Variants in DNAH5 observed in about 807,000 individuals in gnomAD.
DNAH5 encodes axonemal beta dynein heavy chain 5.
DNAH5 carries 372 observed loss-of-function variants against 518.2 expected under a neutral mutation model. The ratio of observed to expected loss-of-function variants is 0.72; its 90% CI spans 0.66 to 0.78. DNAH5 has a LOEUF of 0.78. Ranked by LOEUF, DNAH5 falls within the 30% of genes least tolerant of loss-of-function variation. The pLI, the probability that DNAH5 is intolerant of heterozygous loss-of-function variation, is 0.00. For synonymous variants in DNAH5, 2,039 were observed against 2,025.9 expected (o/e 1.01, Z -0.17); for missense variants, 5,523 against 5,687.0 (o/e 0.97, Z 0.93).
At chr5:13,857,863 A>G (rs1438593548) in intron 30 of DNAH5, among the ~76,000 whole-genome samples, 1 of 152,254 alleles carries the variant, frequency 6.6e-6, no homozygotes, top group Non-Finnish European at 1.5e-5. Context: ...AAATTAACTC[A>G]TGGTGGATTA....
At chr5:13,700,448 T>C (rs1477639810) in intron 78 of DNAH5, among the ~76,000 whole-genome samples, 192 bp downstream of exon 78, 1 of 152,194 alleles carries the variant, frequency 6.6e-6, no homozygotes, top group African/African-American at 2.4e-5. Context: ...TCTAGAACTA[T>C]TGCCTCCTCA....
chr5:13,989,471 G>A (rs1377445714), intron 1 of DNAH5, among the ~76,000 whole-genome samples: 3 of 148,018 alleles, frequency 2.0e-5, no homozygotes, highest in East Asian at 2.0e-4. Flanking sequence ...GTGCATACAT[G>A]TAGAGGGAGA....
chr5:13,718,832 C>T (rs774504109), intron 72 of DNAH5, 50 bp downstream of exon 72: 2 of 1,477,596 alleles, frequency 1.4e-6, no homozygotes, highest in Non-Finnish European at 1.9e-6. Flanking sequence ...TTTAGGAAAA[C>T]AATTTAAGTA....
chr5:13,869,163 A>C (rs1769716416), intron 24 of DNAH5, among the ~76,000 whole-genome samples: 1 of 152,086 alleles, frequency 6.6e-6, no homozygotes, highest in African/African-American at 2.4e-5. Context: ...AGAAGTGAAA[A>C]TGTGTAGTAG....
intron 17 of DNAH5, among the ~76,000 whole-genome samples, chr5:13,888,618 C>G (rs1772747583): frequency 6.6e-6 from 1 of 152,148 alleles, no homozygotes; most frequent in Non-Finnish European, 1.5e-5. Flanking sequence ...AAATTGGGTT[C>G]CACGATTTTG....
At chr5:13,796,100 A>G (rs1245967293) in intron 47 of DNAH5, among the ~76,000 whole-genome samples, 2 of 152,216 alleles carry the variant, frequency 1.3e-5, no homozygotes, top group East Asian at 3.8e-4. Flanking sequence ...ATCATACTGA[A>G]TGGGCAAAAA....
intron 5 of DNAH5, among the ~76,000 whole-genome samples, chr5:13,921,477 A>ACT (rs70964520): frequency 0.4 from 29,442 of 74,060 alleles, 4,282 homozygotes; most frequent in East Asian, 0.66. Flanking sequence ...TCTCTCTCTC[A>ACT]CACACACACA....
intron 1 of DNAH5, among the ~76,000 whole-genome samples, chr5:13,982,479 AGTAGACATATGCACTATTGCATGAGTG>A: frequency 1.3e-5 from 2 of 151,960 alleles, no homozygotes; most frequent in African/African-American, 2.4e-5. Flanking sequence ...TGCATGAGTG[AGTAGACATATGCACTATTGCATGAGTG>A]AGTAGACATA....
chr5:13,923,481 G>T (rs769533943), intron 3 of DNAH5, 41 bp from the exon 4 acceptor site: 2 of 1,610,428 alleles, frequency 1.2e-6, no homozygotes, highest in Non-Finnish European at 1.7e-6. Context: ...AATGCTTTTT[G>T]CAGTCCATGT....
intron 1 of DNAH5, among the ~76,000 whole-genome samples, chr5:14,011,098 TG>T: frequency 6.6e-6 from 1 of 151,494 alleles, no homozygotes; most frequent in East Asian, 1.9e-4. Flanking sequence ...CCGAGGCAAA[TG>T]TAAGAGACAG....
intron 56 of DNAH5, among the ~76,000 whole-genome samples, chr5:13,769,846 C>T (rs1361313099): frequency 6.6e-6 from 1 of 152,186 alleles, no homozygotes; most frequent in Admixed American, 6.5e-5. Context: ...TGCTAGAACA[C>T]ACGACATGAA....
intron 47 of DNAH5, among the ~76,000 whole-genome samples, chr5:13,802,598 A>G (rs931359894): frequency 6.6e-6 from 1 of 152,174 alleles, no homozygotes; most frequent in Non-Finnish European, 1.5e-5. Context: ...GGTTATGCAC[A>G]TGTCTGTTTC....
intron 1 of DNAH5, among the ~76,000 whole-genome samples, chr5:13,982,211 T>G (rs1224564230): frequency 6.6e-6 from 1 of 152,282 alleles, no homozygotes; most frequent in Non-Finnish European, 1.5e-5. Context: ...TTTTTCCTAA[T>G]TTCATCTGAT....
intron 41 of DNAH5, among the ~76,000 whole-genome samples, chr5:13,819,505 G>C (rs1205856143): frequency 6.6e-6 from 1 of 152,016 alleles, no homozygotes; most frequent in Non-Finnish European, 1.5e-5. Context: ...TGAGGTTCCG[G>C]GAACTGCCTG....
intron 65 of DNAH5, among the ~76,000 whole-genome samples, chr5:13,738,891 G>A (rs1419982526): frequency 6.6e-6 from 1 of 152,170 alleles, no homozygotes; most frequent in Non-Finnish European, 1.5e-5. Flanking sequence ...ATGTATTAGA[G>A]AGTTTATTTG....
rs1772343541 is a variant in DNAH5, at chr5:13,885,829, A to T, written c.2743+135T>A. 4 of 845,682 alleles carry T rather than the reference A, an allele frequency of 4.7e-6. No individual in the cohort carries two copies. The Admixed American group carries it at 1.0e-4, about 22-fold the overall frequency. 52.4% of individuals were successfully genotyped at this position (845,682 alleles called of 1,614,324 possible). ...AAAATATGCTCAGGGCCATAATTTC[A>T]GATTTATACATATCATTAGAAAATC... On this transcript the variant is annotated intron_variant, in intron 18 of 78. Coordinates refer to ENST00000265104, the MANE Select transcript of DNAH5 (RefSeq NM_001369.3).
chr5:13,895,717 C>A (rs1293103224), intron 15 of DNAH5, among the ~76,000 whole-genome samples: 6 of 152,088 alleles, frequency 3.9e-5, no homozygotes, highest in Non-Finnish European at 7.3e-5. Context: ...CAGCCCAGAT[C>A]TCACTCCTGA....
chr5:13,692,318 C>T (rs1740804554), intron 78 of DNAH5, among the ~76,000 whole-genome samples, 183 bp from the exon 79 acceptor site: 1 of 152,148 alleles, frequency 6.6e-6, no homozygotes, highest in Non-Finnish European at 1.5e-5. Flanking sequence ...CCACATGGTG[C>T]CAGCAGATGT....
intron 30 of DNAH5, among the ~76,000 whole-genome samples, chr5:13,857,452 G>T (rs1338694468): frequency 6.6e-6 from 1 of 152,142 alleles, no homozygotes; most frequent in Non-Finnish European, 1.5e-5. Context: ...GTAATTTATA[G>T]ATTCAATGCT....
Sources: gnomAD v4.1 joint callset for allele counts (sites outside exome capture counted in the v4.1 genomes callset) on GRCh38, gnomAD v4.1.1 for gene constraint, MANE v1.5 for transcripts, NCBI Gene and HGNC (gene_info 2026-07-23, HGNC 2026-07-21) for gene names.